Variants in STAM observed in about 807,000 individuals in gnomAD.
The protein encoded by STAM is signal transducing adaptor molecule.
STAM carries 16 observed loss-of-function variants against 63.4 expected under a neutral mutation model. The ratio of observed to expected loss-of-function variants is 0.25; its 90% CI spans 0.17 to 0.38. The LOEUF (loss-of-function observed/expected upper bound fraction) is 0.38. STAM is among the 10% of genes least tolerant of loss of function. The pLI, the probability that STAM is intolerant of heterozygous loss-of-function variation, is 1.00. For missense variants in STAM, 636 were observed against 657.1 expected (o/e 0.97, Z 0.35); for synonymous variants, 238 against 223.9 (o/e 1.06, Z -0.56).
At chr10:17,650,123 A>T (rs2131557508) in intron 1 of STAM, among the ~76,000 whole-genome samples, 1 of 152,318 alleles carries the variant, frequency 6.6e-6, no homozygotes, top group South Asian at 2.1e-4. Flanking sequence ...CAGCCTCATA[A>T]ATCATAAGCT....
intron 2 of STAM, among the ~76,000 whole-genome samples, chr10:17,668,452 G>T (rs1381139863): frequency 1.3e-5 from 2 of 152,146 alleles, no homozygotes; most frequent in African/African-American, 2.4e-5. Context: ...ATTAACTAAA[G>T]TCCATAGTTT....
rs143270243 is a variant in STAM at position 17,681,867 on chromosome 10, A to G, written c.126-2808A>G. On this transcript the variant is annotated intron_variant, in intron 2 of 13. Transcript: ENST00000377524. ...ACACTGAATGAGTCCTTTGCTTATT[A>G]TATAATTTTTGAGAGCCTAAGCACA... 4.2e-3 allele frequency among the ~76,000 whole-genome samples: 635 copies of G among 152,334 alleles called. 5 individuals are homozygous for G. Among genetic ancestry groups the G allele is most frequent in the Admixed American group, 0.012 (178 of 15,298 alleles).
At chr10:17,704,333 CTA>C in intron 9 of STAM, 96 bp from the exon 10 acceptor site, 2 of 1,043,984 alleles carry the variant, frequency 1.9e-6, no homozygotes, top group Admixed American at 3.9e-5. Context: ...GTCTCCATAA[CTA>C]TGAATTTCAA....
chr10:17,683,108 TTTCTC>T (rs1361857226), intron 2 of STAM, among the ~76,000 whole-genome samples: 5 of 152,214 alleles, frequency 3.3e-5, no homozygotes, highest in Admixed American at 6.5e-5. Flanking sequence ...TTTCTTCTGT[TTTCTC>T]TTTCTGTCTT....
Position 17,688,168 on chromosome 10 carries a change from T to G in STAM, c.439T>G (p.Ser147Ala). ...EQGVTFPAIG[S>A]QAAEQAKASP... ...AGGAGTTACGTTCCCAGCTATTGGC[T>G]CTCAGGTATTTTGGGAATGAAGTTG... Residue 147 changes from serine (S) to alanine (A), a missense_variant, in exon 5 of 14, where the codon TCT becomes GCT. Physicochemically the swap from Ser to Ala is moderately conservative, Grantham distance 99 (BLOSUM62 1). This residue lies in a region of STAM where 532 missense variants were observed against 536.9 expected (regional missense o/e 0.99). Coordinates refer to ENST00000377524, the MANE Select transcript of STAM (RefSeq NM_003473.4). 2 of 1,553,160 alleles carry G rather than the reference T, an allele frequency of 1.3e-6. No individual in the cohort carries two copies. The highest frequency in any genetic ancestry group is 1.7e-6 in the Non-Finnish European group (2 of 1,150,238).
At chr10:17,675,855 T>G (rs1029380380) in intron 2 of STAM, among the ~76,000 whole-genome samples, 18 of 152,140 alleles carry the variant, frequency 1.2e-4, no homozygotes, top group African/African-American at 4.3e-4. Flanking sequence ...CCTGAAAGTC[T>G]TGCTTACCTA....
rs782265840 is a variant in STAM at position 17,696,827 on chromosome 10, T to A, written c.781T>A (p.Ser261Thr). 3.1e-6 allele frequency: 5 copies of A among 1,614,188 alleles called. No individual in the cohort carries two copies. The highest frequency in any genetic ancestry group is 1.7e-5 in the Admixed American group (1 of 60,034). ...CCATCAAGGCATAGGGTTATTTCCT[T>A]CTAATTTTGTGACTGCAGATCTCAC... ...ETHQGIGLFP[S>T]NFVTADLTAE... The change falls in exon 8 of 14, where the codon TCT becomes ACT. Residue 261 changes from serine to threonine, a missense_variant. Physicochemically the swap from Ser to Thr is moderately conservative, Grantham distance 58 (BLOSUM62 1). Transcript: ENST00000377524.
intron 2 of STAM, 67 bp downstream of exon 2, chr10:17,660,615 G>GCCACTGCACC: frequency 7.0e-6 from 9 of 1,287,238 alleles, no homozygotes; most frequent in Non-Finnish European, 9.8e-6. Context: ...GCCAGGTGCA[G>GCCACTGCACC]TGGCTTGCAC....
intron 2 of STAM, among the ~76,000 whole-genome samples, chr10:17,677,559 C>T (rs1483922769): frequency 6.6e-6 from 1 of 152,072 alleles, no homozygotes. Flanking sequence ...TAAAATAAGT[C>T]CAACTGTGAA....
At chr10:17,697,457 T>C (rs1451064748) in intron 8 of STAM, among the ~76,000 whole-genome samples, 1 of 152,224 alleles carries the variant, frequency 6.6e-6, no homozygotes, top group Non-Finnish European at 1.5e-5. Context: ...ATGTCAGATA[T>C]TCAGAAGGAG....
At chr10:17,682,698 A>G (rs1589069290) in intron 2 of STAM, among the ~76,000 whole-genome samples, 3 of 152,186 alleles carry the variant, frequency 2.0e-5, no homozygotes, top group South Asian at 4.1e-4. Flanking sequence ...TTCCATGCAC[A>G]TGAAAAAAAA....
chr10:17,700,129 G>A (rs1554828148), intron 8 of STAM, 62 bp from the exon 9 acceptor site: 3 of 1,345,462 alleles, frequency 2.2e-6, no homozygotes, highest in East Asian at 2.7e-5. Context: ...GGAAGTTAAA[G>A]TGCTTTAAAG....
intron 12 of STAM, among the ~76,000 whole-genome samples, chr10:17,708,469 C>A (rs1056378952): frequency 1.3e-5 from 2 of 152,150 alleles, no homozygotes; most frequent in African/African-American, 2.4e-5. Context: ...AAAATACCAA[C>A]ATGCAGAATA....
intron 1 of STAM, among the ~76,000 whole-genome samples, chr10:17,649,398 A>G (rs1414490596): frequency 6.6e-6 from 1 of 151,800 alleles, no homozygotes. Flanking sequence ...GTCTTTAAAA[A>G]AAAAAAAAAA....
intron 8 of STAM, among the ~76,000 whole-genome samples, chr10:17,699,904 G>A (rs1190239172): frequency 6.6e-6 from 1 of 152,146 alleles, no homozygotes; most frequent in African/African-American, 2.4e-5. Context: ...ACTCTGATGT[G>A]TAGTAGGTGA....
intron 9 of STAM, among the ~76,000 whole-genome samples, chr10:17,701,585 G>A (rs1016904160): frequency 2.0e-5 from 3 of 152,084 alleles, no homozygotes; most frequent in Admixed American, 6.6e-5. Flanking sequence ...ATTTACTGGC[G>A]GGCCATTACA....
intron 2 of STAM, among the ~76,000 whole-genome samples, chr10:17,670,640 C>T (rs543330156): frequency 1.3e-5 from 2 of 152,202 alleles, no homozygotes; most frequent in African/African-American, 4.8e-5. Context: ...TGAATTTAAT[C>T]CTCAATATTT....
intron 1 of STAM, among the ~76,000 whole-genome samples, chr10:17,645,217 G>A (rs893530311): frequency 1.3e-5 from 2 of 152,110 alleles, no homozygotes; most frequent in African/African-American, 4.8e-5. Flanking sequence ...TTGAACGCAC[G>A]TAGGAACTAC....
rs558986977 is a variant in STAM at position 17,704,849 on chromosome 10, A to G, written c.1001-121A>G. On this transcript the variant is annotated intron_variant, in intron 10 of 13. Transcript: ENST00000377524. ...GGGTTCTGTAGACTAAGGTTAAAGA[A>G]TGTATATTTTTATTACTCCAAATTA... 196 of 843,184 alleles carry G rather than the reference A, an allele frequency of 2.3e-4. No homozygotes were observed. In the Middle Eastern group the frequency reaches 3.6e-3, roughly 15 times the overall value. 52.2% of individuals were successfully genotyped at this position (843,184 alleles called of 1,614,324 possible).
Sources: gnomAD v4.1 joint callset for allele counts (sites outside exome capture counted in the v4.1 genomes callset) on GRCh38, gnomAD v4.1.1 for gene constraint, gnomAD v4.1.1 regional missense constraint, MANE v1.5 for transcripts, NCBI Gene and HGNC (gene_info 2026-07-23, HGNC 2026-07-21) for gene names.